The following SPG7 variants were observed in gnomAD, a reference collection of about 807,000 sequenced individuals.
SPG7 encodes SPG7 matrix AAA peptidase subunit, paraplegin, also known as mitochondrial inner membrane m-AAA protease component paraplegin.
A neutral mutation model predicts 81.9 loss-of-function variants in SPG7; 103 were observed. The ratio of observed to expected loss-of-function variants is 1.26; its 90% CI spans 1.07 to 1.48. The LOEUF (loss-of-function observed/expected upper bound fraction) is 1.48. Ranked by LOEUF, SPG7 falls within the 40% of genes most tolerant of loss-of-function variation. SPG7 has a pLI of 0.00. For synonymous variants in SPG7, 534 were observed against 444.2 expected, an observed-to-expected ratio of 1.20 and a Z score of -2.54; for missense variants, 1,241 against 1,087.3, an observed-to-expected ratio of 1.14 and a Z score of -1.99.
intron 1 of SPG7, chr16:89,509,010 G>A (rs1005537291): frequency 6.4e-5 from 30 of 466,774 alleles, no homozygotes; most frequent in Non-Finnish European, 1.2e-4. Flanking sequence ...TGCCGAGTAG[G>A]GGGCCCAGAA....
chr16:89,510,254 C>A (rs955538943), intron 1 of SPG7, among the ~76,000 whole-genome samples: 1 of 152,064 alleles, frequency 6.6e-6, no homozygotes, highest in Non-Finnish European at 1.5e-5. Flanking sequence ...GGATTACAGC[C>A]GTGAGCCACC....
intron 9 of SPG7, among the ~76,000 whole-genome samples, chr16:89,535,611 G>C (rs144952671): frequency 1.1e-3 from 162 of 152,324 alleles, no homozygotes; most frequent in African/African-American, 3.8e-3. Context: ...TGTCTTCAGA[G>C]ATGTGGGGTG....
chr16:89,551,902 A>G (rs1239330466), intron 13 of SPG7: 1 of 152,210 alleles, frequency 6.6e-6, no homozygotes, highest in African/African-American at 2.4e-5. Context: ...AAGGGAAAAA[A>G]AAAGAATTTT....
rs1297983632 is a variant in SPG7 at position 89,557,353 on chromosome 16, A to G, written c.*260A>G. ...AGTGCTTCCCGAGTGAGCATGGAAC[A>G]CTTCGAGTTCCCAGGGTTATAGACA... On this transcript the variant is annotated 3_prime_UTR_variant, in exon 17 of 17. Transcript: ENST00000645818. 3 of 520,258 alleles carry G rather than the reference A, an allele frequency of 5.8e-6. No individual in the cohort carries two copies. The highest frequency in any genetic ancestry group is 1.0e-5 in the Non-Finnish European group (3 of 287,024). The allele number at this position is 520,258 out of a possible 1,614,324, so 32.2% of individuals were successfully genotyped here.
intron 3 of SPG7, chr16:89,519,265 T>C (rs1468165136): frequency 6.6e-6 from 1 of 152,258 alleles, no homozygotes; most frequent in African/African-American, 2.4e-5. Flanking sequence ...ATTACAGGTG[T>C]GAGCCACTGC....
chr16:89,554,650 C>G, intron 16 of SPG7, 87 bp downstream of exon 16: 1 of 863,734 alleles, frequency 1.2e-6, no homozygotes. Flanking sequence ...TGAAGTATTT[C>G]CAAGGCACAC....
In SPG7 at chr16:89,531,969, C is replaced by A; in HGVS notation, c.1053C>A (p.Pro351=). Residue 351 remains proline, a synonymous_variant, in exon 8 of 17, where the codon CCC becomes CCA. Coordinates refer to ENST00000645818, the MANE Select transcript of SPG7 (RefSeq NM_003119.4). ...AGGGCGCACTGCTGCTCGGCCCCCC[C>A]GGCTGTGGGAAGACGCTGCTGGCCA... The part of the protein sequence containing the change: ...VPKGALLLGP[P]GCGKTLLAKA... 1 of 1,613,934 alleles carries A rather than the reference C, an allele frequency of 6.2e-7. No homozygotes were observed. Among genetic ancestry groups the A allele is most frequent in the Non-Finnish European group, 8.5e-7 (1 of 1,179,840 alleles).
At chr16:89,552,672 G>A (rs569283844) in intron 13 of SPG7, 1 of 411,698 alleles carries the variant, frequency 2.4e-6, no homozygotes, top group Non-Finnish European at 4.6e-6. Context: ...CGGCCATCGG[G>A]GGTGAAACTT....
chr16:89,520,123 C>G (rs548596832), intron 3 of SPG7: 2 of 152,548 alleles, frequency 1.3e-5, no homozygotes, highest in African/African-American at 2.4e-5. Flanking sequence ...AGGTCACACC[C>G]CAGTTCTGTG....
At chr16:89,535,001 G>C (rs2058393638) in intron 9 of SPG7, among the ~76,000 whole-genome samples, 1 of 152,210 alleles carries the variant, frequency 6.6e-6, no homozygotes, top group African/African-American at 2.4e-5. Flanking sequence ...CTCCCGAGTA[G>C]CTGGGATTAC....
intron 3 of SPG7, chr16:89,521,218 G>A (rs2152398243): frequency 6.6e-6 from 1 of 152,358 alleles, no homozygotes; most frequent in Middle Eastern, 3.4e-3. Flanking sequence ...TGGAACCTAA[G>A]GAGCTTCAGC....
intron 3 of SPG7, chr16:89,521,109 C>A (rs898041493): frequency 2.0e-5 from 3 of 152,234 alleles, no homozygotes; most frequent in Non-Finnish European, 4.4e-5. Flanking sequence ...CTGGAAGAGC[C>A]TTCTCTGTGA....
At position 89,544,443 on chromosome 16, in the gene SPG7, T is replaced by C. The variant is rs552215303; in HGVS notation, c.1325-205T>C. The C allele has an allele frequency of 1.4e-4, 81 of 595,862 alleles. 1 individual carries two copies. Among genetic ancestry groups the C allele is most frequent in the African/African-American group, 1.2e-3 (67 of 54,414 alleles). The allele number at this position is 595,862 out of a possible 1,614,324, so 36.9% of individuals were successfully genotyped here. The stretch of plus-strand genomic sequence containing the variant: ...GTTCTGCTGTTTGCACTTGTCAAAA[T>C]AGGCAAATTCCTGTTCCTCCTGGTG... On this transcript the variant is annotated intron_variant, in intron 9 of 16. Transcript: ENST00000645818.
At chr16:89,532,172 G>T in intron 8 of SPG7, 106 bp downstream of exon 8, 2 of 1,256,696 alleles carry the variant, frequency 1.6e-6, no homozygotes, top group East Asian at 2.4e-5. Context: ...GGTGGGTGGG[G>T]GAGTAGAGAA....
chr16:89,512,983 CAGAAGAATAAGG>C lies in SPG7; in HGVS notation c.328_339del (p.Asn110_Lys113del). ...CTATTTTAACACCTCAAGGTTGAAG[CAGAAGAATAAGG>C]AGAAGGATAAGTCGAAGGGGAAGGC... is the stretch of plus-strand genomic sequence containing the variant. On this transcript the variant is annotated inframe_deletion, in exon 3 of 17. Transcript: ENST00000645818. 1 of 1,613,000 alleles carries C rather than the reference CAGAAGAATAAGG, an allele frequency of 6.2e-7. No homozygotes were observed. Among genetic ancestry groups the C allele is most frequent in the Non-Finnish European group, 8.5e-7 (1 of 1,179,120 alleles).
At chr16:89,532,846 G>A in intron 9 of SPG7, 1 of 587,176 alleles carries the variant, frequency 1.7e-6, no homozygotes, top group South Asian at 1.9e-5. Context: ...CACTTTGGGA[G>A]GCCAAGACAG....
Position 89,537,015 on chromosome 16 carries a change from G to A in SPG7, c.1324+4379G>A, listed in dbSNP as rs570123690. 3.2e-5 allele frequency: 51 copies of A among 1,611,154 alleles called. No individual in the cohort carries two copies. The African/African-American group carries it at 4.5e-4, about 14-fold the overall frequency. ...TGCCATCATAAGAATAGCTGCTTCC[G>A]CCCCCGGATTTGCTCAGGCCTGGGA... On this transcript the variant is annotated intron_variant, in intron 9 of 16. Coordinates refer to ENST00000645818, the MANE Select transcript of SPG7 (RefSeq NM_003119.4).
At chr16:89,537,750 C>A (rs2058445499) in intron 9 of SPG7, 1 of 985,348 alleles carries the variant, frequency 1.0e-6, no homozygotes. Context: ...TGAGCTCTTT[C>A]AGGTCCAGGC....
Position 89,530,748 on chromosome 16 carries a change from A to T in SPG7, c.927A>T (p.Lys309Asn). ...DGKMGKGVSF[K>N]DVAGMHEAKL... is the part of the protein sequence containing the mutation. ...AGATGGGGAAAGGAGTCAGCTTCAA[A>T]GACGTGGCAGGAATGCACGAAGCCA... The change falls in exon 7 of 17, where the codon AAA becomes AAT. Residue 309 changes from lysine to asparagine, a missense_variant. By Grantham distance (94) the Lys-to-Asn change is moderately conservative (BLOSUM62 0). Coordinates refer to ENST00000645818, the MANE Select transcript of SPG7 (RefSeq NM_003119.4). 6.2e-7 allele frequency: 1 copy of T among 1,614,178 alleles called. No individual in the cohort carries two copies. Among genetic ancestry groups the T allele is most frequent in the Non-Finnish European group, 8.5e-7 (1 of 1,180,038 alleles).
Sources: gnomAD v4.1 joint callset for allele counts (sites outside exome capture counted in the v4.1 genomes callset) on GRCh38, gnomAD v4.1.1 for gene constraint, MANE v1.5 for transcripts, NCBI Gene and HGNC (gene_info 2026-07-23, HGNC 2026-07-21) for gene names.